The following CNOT2 variants were observed in gnomAD, a reference collection of about 807,000 sequenced individuals.
The protein encoded by CNOT2 is CCR4-NOT transcription complex subunit 2, also known as CC chemokine receptor 4-negative regulator of transcription 2.
Under a neutral mutation model 72.1 loss-of-function variants are expected in CNOT2, and 7 were observed. That is an observed-to-expected ratio of 0.10 (90% CI 0.06 to 0.18). The LOEUF is 0.18. Among genes scored for constraint, CNOT2 ranks in the 10% least tolerant of loss-of-function variants. The probability of loss-of-function intolerance (pLI) is 1.00; values close to 1 mark genes in which losing one functional copy is unlikely to be tolerated. For missense variants in CNOT2, 345 were observed against 660.3 expected (o/e 0.52, Z 5.23); for synonymous variants, 196 against 225.6 (o/e 0.87, Z 1.17).
rs572131996 is a variant in CNOT2, at chr12:70,314,206, A to G, written c.171+3189A>G. Among the ~76,000 whole-genome samples the G allele has an allele frequency of 5.3e-5, 8 of 152,286 alleles. No homozygotes were observed. In the South Asian group the frequency reaches 1.7e-3, roughly 32 times the overall value. On this transcript the variant is annotated intron_variant, in intron 3 of 15. Coordinates refer to ENST00000229195, the MANE Select transcript of CNOT2 (RefSeq NM_014515.7). ...ATACTTTGTGTAGTTATTTTATAACAAACTGCCATGTAAAAGTCTTCTATT... is the reference window on the plus strand; with the variant it reads ...ATACTTTGTGTAGTTATTTTATAACGAACTGCCATGTAAAAGTCTTCTATT...
At chr12:70,336,844 C>T (rs1022398003) in intron 8 of CNOT2, 2 of 152,476 alleles carry the variant, frequency 1.3e-5, no homozygotes, top group African/African-American at 4.8e-5. Flanking sequence ...CCAATAAGGG[C>T]CCGACTAATG....
At chr12:70,265,034 T>C (rs1958954273) in intron 1 of CNOT2, among the ~76,000 whole-genome samples, 1 of 152,166 alleles carries the variant, frequency 6.6e-6, no homozygotes, top group Non-Finnish European at 1.5e-5. Flanking sequence ...TTGAATTTGA[T>C]TTGCTAATAT....
intron 1 of CNOT2, among the ~76,000 whole-genome samples, chr12:70,248,217 T>G (rs189671582): frequency 6.6e-6 from 1 of 152,322 alleles, no homozygotes; most frequent in African/African-American, 2.4e-5. Flanking sequence ...AGATTCTGTT[T>G]TTCTCACCTT....
chr12:70,309,317 C>T (rs534672842), intron 2 of CNOT2, among the ~76,000 whole-genome samples: 1 of 152,266 alleles, frequency 6.6e-6, no homozygotes. Context: ...TGCCTAAAAG[C>T]ATATAGCAAA....
intron 2 of CNOT2, among the ~76,000 whole-genome samples, chr12:70,309,360 T>C (rs1479359499): frequency 6.6e-6 from 1 of 152,220 alleles, no homozygotes; most frequent in Non-Finnish European, 1.5e-5. Flanking sequence ...ACTTTATTTA[T>C]ACCTGACTGA....
chr12:70,354,578 C>T lies in CNOT2; in HGVS notation c.*663C>T, dbSNP rs934921498. ...GCAAAACACTGTCCAGTCTTTGTTACGATTTTGTAATAAATGTGTACATTT... is the reference window on the plus strand; with the variant it reads ...GCAAAACACTGTCCAGTCTTTGTTATGATTTTGTAATAAATGTGTACATTT... On this transcript the variant is annotated 3_prime_UTR_variant, in exon 16 of 16. Transcript: ENST00000229195. The T allele has an allele frequency of 5.9e-5, 9 of 152,452 alleles. No individual in the cohort carries two copies. Among genetic ancestry groups the T allele is most frequent in the South Asian group, 2.1e-4 (1 of 4,820 alleles). 9.4% of individuals were successfully genotyped at this position (152,452 alleles called of 1,614,324 possible). A position where few individuals can be genotyped will look rare whatever the true frequency, so the allele number is the denominator to read the frequency against.
At chr12:70,339,459 A>G (rs1475075335) in intron 11 of CNOT2, among the ~76,000 whole-genome samples, 1 of 152,020 alleles carries the variant, frequency 6.6e-6, no homozygotes, top group African/African-American at 2.4e-5. Flanking sequence ...ATAATTGTTC[A>G]TTTACATATC....
Position 70,353,993 on chromosome 12 carries a change from A to G in CNOT2, c.*78A>G, listed in dbSNP as rs917162537. 42 of 1,525,378 alleles carry G rather than the reference A, an allele frequency of 2.8e-5. No individual in the cohort carries two copies. The highest frequency in any genetic ancestry group is 3.5e-5 in the Non-Finnish European group (40 of 1,142,096). 94.5% of individuals were successfully genotyped at this position (1,525,378 alleles called of 1,614,324 possible). A position where few individuals can be genotyped will look rare whatever the true frequency, so the allele number is the denominator to read the frequency against. ...TCAGCACAATACTCAACATAACTGC[A>G]GAACTGATGTGGCTCAGGCACCCTG... On this transcript the variant is annotated 3_prime_UTR_variant, in exon 16 of 16. Transcript: ENST00000229195.
intron 1 of CNOT2, among the ~76,000 whole-genome samples, chr12:70,255,393 A>T (rs1029036554): frequency 2.0e-5 from 3 of 152,162 alleles, no homozygotes; most frequent in Admixed American, 1.3e-4. Context: ...ATTCTTGTGC[A>T]TATGTGTATG....
intron 1 of CNOT2, among the ~76,000 whole-genome samples, chr12:70,271,476 C>T (rs1259509382): frequency 1.3e-5 from 2 of 148,994 alleles, no homozygotes; most frequent in East Asian, 4.0e-4. Flanking sequence ...CAGGTTCAAG[C>T]GATTTTACTG....
chr12:70,278,694 A>G (rs1407882669), intron 2 of CNOT2, among the ~76,000 whole-genome samples: 2 of 152,310 alleles, frequency 1.3e-5, no homozygotes, highest in East Asian at 1.9e-4. Context: ...TGAGTAGAGT[A>G]TAGAAGAAAT....
intron 1 of CNOT2, among the ~76,000 whole-genome samples, chr12:70,262,968 C>T (rs185700049): frequency 7.2e-5 from 11 of 152,316 alleles, no homozygotes; most frequent in East Asian, 3.9e-4. Flanking sequence ...CCACCACACC[C>T]GGCCTATTTT....
intron 1 of CNOT2, among the ~76,000 whole-genome samples, chr12:70,258,924 G>A (rs927407116): frequency 6.6e-6 from 1 of 152,216 alleles, no homozygotes; most frequent in Non-Finnish European, 1.5e-5. Flanking sequence ...TGGCTAGAGT[G>A]TAGTGGGAAA....
chr12:70,311,813 A>G (rs1258097552), intron 3 of CNOT2, among the ~76,000 whole-genome samples: 4 of 151,910 alleles, frequency 2.6e-5, no homozygotes, highest in African/African-American at 9.7e-5. Context: ...CTTATGTATA[A>G]AACAATCTAC....
chr12:70,333,122 G>C (rs1880193376), intron 7 of CNOT2, among the ~76,000 whole-genome samples: 1 of 151,810 alleles, frequency 6.6e-6, no homozygotes. Context: ...AACTTAGTTA[G>C]TATTTATGCC....
chr12:70,275,392 G>A (rs891263933), intron 1 of CNOT2, among the ~76,000 whole-genome samples: 2 of 151,916 alleles, frequency 1.3e-5, no homozygotes, highest in South Asian at 2.1e-4. Flanking sequence ...TGGGTTTATA[G>A]TGCTCATCAA....
chr12:70,283,647 TAAAAAAAAA>T (rs34501610), intron 2 of CNOT2, among the ~76,000 whole-genome samples: 2 of 122,908 alleles, frequency 1.6e-5, no homozygotes, highest in South Asian at 5.3e-4. Context: ...AGAATGAGTT[TAAAAAAAAA>T]AAAAAAAAAA....
intron 2 of CNOT2, among the ~76,000 whole-genome samples, chr12:70,296,308 T>C (rs74101488): frequency 0.024 from 3,660 of 152,158 alleles, 143 homozygotes; most frequent in African/African-American, 0.083. Context: ...TGTGGAAGTG[T>C]TTGTATAGGT....
At position 70,342,316 on chromosome 12, in the gene CNOT2, A is replaced by C; in HGVS notation, c.1290+9A>C. 1 of 1,612,466 alleles carries C rather than the reference A, an allele frequency of 6.2e-7. No individual in the cohort carries two copies. The highest frequency in any genetic ancestry group is 8.5e-7 in the Non-Finnish European group (1 of 1,179,272). ...TTCACATTAGGGATAAGGTGAGTGT[A>C]GTTTATTATTCTACTCAGTCAGCAT... On this transcript the variant is annotated intron_variant, in intron 13 of 15. Coordinates refer to ENST00000229195, the MANE Select transcript of CNOT2 (RefSeq NM_014515.7).
Sources: gnomAD v4.1 joint callset for allele counts (sites outside exome capture counted in the v4.1 genomes callset) on GRCh38, gnomAD v4.1.1 for gene constraint, MANE v1.5 for transcripts, NCBI Gene and HGNC (gene_info 2026-07-23, HGNC 2026-07-21) for gene names.